The following ADAMTSL1 variants were observed in gnomAD, a reference collection of about 807,000 sequenced individuals.
ADAMTSL1 encodes ADAMTS-like protein 1.
Under a neutral mutation model 201.8 loss-of-function variants are expected in ADAMTSL1, and 126 were observed. That is an observed-to-expected ratio of 0.62 (90% CI 0.54 to 0.72). ADAMTSL1 has a LOEUF of 0.72. ADAMTSL1 is among the 30% of genes least tolerant of loss of function. The pLI is 0.00. For missense variants in ADAMTSL1, 2,679 were observed against 2,277.8 expected (o/e 1.18, Z -3.59); for synonymous variants, 1,121 against 903.4 (o/e 1.24, Z -4.32).
At chr9:18,830,126 T>C (rs749935834) in intron 23 of ADAMTSL1, 149 bp downstream of exon 23, 20 of 1,138,118 alleles carry the variant, frequency 1.8e-5, no homozygotes, top group Non-Finnish European at 2.4e-5. Flanking sequence ...GACTCACCAG[T>C]GGAAACTTGG....
chr9:18,355,078 A>G (rs1326509897), intron 2 of ADAMTSL1, among the ~76,000 whole-genome samples: 1 of 151,568 alleles, frequency 6.6e-6, no homozygotes. Context: ...CCCCAGCAAG[A>G]GCAGATTTGG....
intron 19 of ADAMTSL1, among the ~76,000 whole-genome samples, chr9:18,780,496 A>T (rs891194342): frequency 3.3e-5 from 5 of 152,180 alleles, no homozygotes; most frequent in African/African-American, 1.2e-4. Context: ...GCTGGATTTT[A>T]TGTCTATTTT....
In ADAMTSL1 at chr9:18,434,232, T is replaced by G. The variant is rs138170215; in HGVS notation, c.208-70597T>G. Among the ~76,000 whole-genome samples, 134 of 152,280 alleles carry G rather than the reference T, an allele frequency of 8.8e-4. 2 individuals carry two copies. Among genetic ancestry groups the G allele is most frequent in the African/African-American group, 2.8e-3 (118 of 41,564 alleles). On this transcript the variant is annotated intron_variant, in intron 2 of 29. Coordinates refer to the ADAMTSL1 transcript ENST00000680146. ...AAAAGAATTCAGGGTCATAAAAGCT[T>G]TGGGCAAGGTCCTTATGGGCCCATT...
At chr9:18,652,197 C>T (rs1044063512) in intron 7 of ADAMTSL1, among the ~76,000 whole-genome samples, 6 of 151,702 alleles carry the variant, frequency 4.0e-5, no homozygotes, top group African/African-American at 1.5e-4. Context: ...GATGGTGAAA[C>T]CCCATCTCTA....
At chr9:18,202,446 A>G (rs906776303) in intron 2 of ADAMTSL1, among the ~76,000 whole-genome samples, 5 of 152,226 alleles carry the variant, frequency 3.3e-5, no homozygotes, top group African/African-American at 1.2e-4. Context: ...AGTCCTACAA[A>G]TGATGATCCC....
chr9:18,491,372 T>C, intron 1 of ADAMTSL1, among the ~76,000 whole-genome samples: 1 of 152,212 alleles, frequency 6.6e-6, no homozygotes, highest in East Asian at 1.9e-4. Context: ...GCAATTTAAA[T>C]ATTATTTCTC....
chr9:18,299,011 C>A (rs937837885), intron 2 of ADAMTSL1, among the ~76,000 whole-genome samples: 14 of 138,292 alleles, frequency 1.0e-4, no homozygotes, highest in East Asian at 2.1e-4. Flanking sequence ...GACTCCGTCT[C>A]AAAAAAAAAA....
At chr9:18,817,048 G>A in intron 20 of ADAMTSL1, 61 bp from the exon 21 acceptor site, 1 of 1,582,736 alleles carries the variant, frequency 6.3e-7, no homozygotes, top group South Asian at 1.2e-5. Context: ...ATATTTCAAA[G>A]GAGTGCCCCA....
chr9:18,463,550 C>T (rs1820887896), intron 2 of ADAMTSL1, among the ~76,000 whole-genome samples: 1 of 152,096 alleles, frequency 6.6e-6, no homozygotes, highest in Admixed American at 6.5e-5. Context: ...TCCCCATTCC[C>T]CCTTCCCTCA....
intron 1 of ADAMTSL1, among the ~76,000 whole-genome samples, chr9:18,057,011 G>A (rs1454630342): frequency 6.6e-6 from 1 of 152,114 alleles, no homozygotes. Context: ...AATTAACCAG[G>A]AATTCCTCCC....
chr9:18,546,067 C>G (rs1296546216), intron 3 of ADAMTSL1, among the ~76,000 whole-genome samples: 1 of 152,182 alleles, frequency 6.6e-6, no homozygotes, highest in Non-Finnish European at 1.5e-5. Flanking sequence ...TACTATCATT[C>G]TAGCAGTCTT....
chr9:18,053,992 C>T (rs1286725888), intron 1 of ADAMTSL1, among the ~76,000 whole-genome samples: 4 of 148,076 alleles, frequency 2.7e-5, no homozygotes, highest in Admixed American at 1.3e-4. Flanking sequence ...TACTGCTTCT[C>T]TTTTTTTTTT....
At chr9:17,999,391 C>G (rs764690815) in intron 1 of ADAMTSL1, among the ~76,000 whole-genome samples, 12 of 151,716 alleles carry the variant, frequency 7.9e-5, no homozygotes, top group Non-Finnish European at 1.3e-4. Context: ...AGAATTATCC[C>G]AAAATAATAG....
chr9:18,707,149 T>C, intron 14 of ADAMTSL1, 101 bp downstream of exon 14: 6 of 1,409,324 alleles, frequency 4.3e-6, no homozygotes, highest in Non-Finnish European at 4.8e-6. Flanking sequence ...CCAAGAATGA[T>C]AAGCAGGAGG....
intron 7 of ADAMTSL1, among the ~76,000 whole-genome samples, chr9:18,650,270 C>T (rs978270660): frequency 6.6e-6 from 1 of 152,180 alleles, no homozygotes; most frequent in East Asian, 1.9e-4. Flanking sequence ...GTGGGAGTGA[C>T]CCGATTTTCC....
intron 2 of ADAMTSL1, among the ~76,000 whole-genome samples, chr9:18,303,051 A>T (rs1204785634): frequency 6.6e-6 from 1 of 152,230 alleles, no homozygotes; most frequent in Non-Finnish European, 1.5e-5. Context: ...TTTAGCATTT[A>T]TCAAGTATAC....
intron 2 of ADAMTSL1, among the ~76,000 whole-genome samples, chr9:18,468,425 TGA>T (rs1362892701): frequency 6.6e-6 from 1 of 152,154 alleles, no homozygotes; most frequent in Non-Finnish European, 1.5e-5. Context: ...GCAGAAAAAT[TGA>T]GAGACATGTC....
At chr9:18,884,392 C>T (rs1209247721) in intron 23 of ADAMTSL1, among the ~76,000 whole-genome samples, 1 of 152,086 alleles carries the variant, frequency 6.6e-6, no homozygotes, top group African/African-American at 2.4e-5. Context: ...TTGATGGTGT[C>T]TTATGATGTG....
chr9:18,509,270 G>C (rs1026707132), intron 2 of ADAMTSL1, among the ~76,000 whole-genome samples: 1 of 126,526 alleles, frequency 7.9e-6, no homozygotes, highest in East Asian at 2.7e-4. Flanking sequence ...TCAGCTTTAA[G>C]ACTTCGAATC....
Sources: allele counts gnomAD v4.1 joint callset (sites outside exome capture counted in the v4.1 genomes callset), GRCh38; gene constraint gnomAD v4.1.1; transcripts MANE v1.5; gene names NCBI Gene and HGNC (gene_info 2026-07-23, HGNC 2026-07-21).